Variants in FOCAD observed in about 807,000 individuals in gnomAD.
FOCAD encodes KIAA1797.
In FOCAD, 198 loss-of-function variants were observed where a neutral mutation model predicts 225.6. That is an observed-to-expected ratio of 0.88 (90% CI 0.78 to 0.99). The LOEUF (loss-of-function observed/expected upper bound fraction) is 0.99, where lower values mean the gene tolerates loss of function less well. Ranked by LOEUF, FOCAD falls within the 50% of genes least tolerant of loss-of-function variation. FOCAD has a pLI of 0.00. For synonymous variants in FOCAD, 897 were observed against 755.0 expected (o/e 1.19, Z -3.08); for missense variants, 2,713 against 2,123.6 (o/e 1.28, Z -5.46).
intron 11 of FOCAD, among the ~76,000 whole-genome samples, chr9:20,817,786 G>C (rs1823886474): frequency 6.6e-6 from 1 of 152,070 alleles, no homozygotes; most frequent in Non-Finnish European, 1.5e-5. Flanking sequence ...TTATTCATCA[G>C]TTGATGGACA....
At chr9:20,980,508 T>C (rs368123964) in intron 37 of FOCAD, among the ~76,000 whole-genome samples, 16 of 142,434 alleles carry the variant, frequency 1.1e-4, no homozygotes, top group African/African-American at 3.9e-4. Context: ...GTTAATAAAT[T>C]AAGTTTGTGA....
At chr9:20,819,650 G>A (rs962347689) in intron 11 of FOCAD, 146 bp from the exon 12 acceptor site, 3 of 427,756 alleles carry the variant, frequency 7.0e-6, no homozygotes, top group Admixed American at 4.3e-5. Context: ...ATTATCATTA[G>A]CAAGTAATAG....
intron 20 of FOCAD, among the ~76,000 whole-genome samples, chr9:20,884,201 T>A (rs1230654468): frequency 6.6e-6 from 1 of 152,010 alleles, no homozygotes; most frequent in African/African-American, 2.4e-5. Context: ...GTTCATTTAT[T>A]TATACTTATA....
intron 29 of FOCAD, 149 bp from the exon 30 acceptor site, chr9:20,946,552 G>A (rs1238737999): frequency 1.4e-6 from 1 of 714,840 alleles, no homozygotes; most frequent in Non-Finnish European, 2.2e-6. Flanking sequence ...ATATAAGTTA[G>A]GCAGAAAAAC....
intron 5 of FOCAD, among the ~76,000 whole-genome samples, chr9:20,743,154 G>A (rs1181027407): frequency 6.6e-6 from 1 of 152,208 alleles, no homozygotes; most frequent in African/African-American, 2.4e-5. Flanking sequence ...ATGTTGGTTA[G>A]CAATATCATC....
rs1397023342 is a variant in FOCAD at position 20,993,300 on chromosome 9, C to T, written c.5304C>T (p.Leu1768=). ...FSIMESPKEA[L]SAQSRDLLKA... The stretch of plus-strand genomic sequence containing the variant: ...TCATGGAAAGCCCTAAAGAAGCCCT[C>T]TCAGCACAGTCCAGGGATCTTTTGA... Residue 1768 remains leucine, a synonymous_variant, in exon 43 of 44, where the codon CTC becomes CTT. Transcript: ENST00000338382. 1 of 1,613,836 alleles carries T rather than the reference C, an allele frequency of 6.2e-7. No homozygotes were observed. The highest frequency in any genetic ancestry group is 1.3e-5 in the African/African-American group (1 of 74,906).
chr9:20,913,145 TACACACACAC>T (rs56856864), intron 23 of FOCAD, among the ~76,000 whole-genome samples, 191 bp downstream of exon 23: 92 of 137,330 alleles, frequency 6.7e-4, no homozygotes, highest in Admixed American at 2.5e-3. Flanking sequence ...AAATTATACA[TACACACACAC>T]ACACACACAC....
At chr9:20,967,381 T>A (rs1033309525) in intron 35 of FOCAD, among the ~76,000 whole-genome samples, 5 of 152,180 alleles carry the variant, frequency 3.3e-5, no homozygotes, top group Non-Finnish European at 7.4e-5. Flanking sequence ...CCTGCAACTT[T>A]ATTGAATTCC....
chr9:20,803,252 G>A (rs1315784933), intron 11 of FOCAD, among the ~76,000 whole-genome samples: 1 of 152,080 alleles, frequency 6.6e-6, no homozygotes, highest in Non-Finnish European at 1.5e-5. Context: ...AGGGTTATGA[G>A]TGCCACCAGT....
rs1389650077 is a variant in FOCAD, at chr9:20,926,367, G to A, written c.3028G>A (p.Val1010Met). ...GGTACTTGATACACTCTTGGTCATTGTGGATAGCCATTACCAACCCAGAGG... is the reference window on the plus strand; with the variant it reads ...GGTACTTGATACACTCTTGGTCATTATGGATAGCCATTACCAACCCAGAGG... The part of the protein sequence containing the change: ...SMVLDTLLVI[V>M]DSHYQPRGQL... Residue 1010 changes from valine to methionine, a missense_variant, in exon 26 of 44, where the codon GTG (valine) becomes ATG (methionine). Transcript: ENST00000338382. 1.9e-6 allele frequency: 3 copies of A among 1,613,592 alleles called. No homozygotes were observed. Among genetic ancestry groups the A allele is most frequent in the Non-Finnish European group, 2.5e-6 (3 of 1,179,726 alleles).
At chr9:20,939,780 T>G (rs1262366464) in intron 28 of FOCAD, among the ~76,000 whole-genome samples, 3 of 151,828 alleles carry the variant, frequency 2.0e-5, no homozygotes. Context: ...TACTTTAAGT[T>G]CTAGGGTACA....
chr9:20,755,310 A>T (rs908642571), intron 5 of FOCAD, among the ~76,000 whole-genome samples: 1 of 152,214 alleles, frequency 6.6e-6, no homozygotes, highest in Non-Finnish European at 1.5e-5. Context: ...TAGGTCTGAG[A>T]TACTAAATAA....
intron 37 of FOCAD, among the ~76,000 whole-genome samples, chr9:20,979,761 C>T (rs1840529366): frequency 1.3e-5 from 2 of 152,198 alleles, no homozygotes; most frequent in African/African-American, 4.8e-5. Flanking sequence ...CTCCAAGTGG[C>T]TCCCAGCTGC....
At chr9:20,860,374 C>A (rs547577769) in intron 15 of FOCAD, among the ~76,000 whole-genome samples, 4 of 152,314 alleles carry the variant, frequency 2.6e-5, no homozygotes, top group African/African-American at 9.6e-5. Context: ...ATTGGACTTA[C>A]AGTTCCATGT....
At chr9:20,727,055 T>C (rs1227539308) in intron 4 of FOCAD, among the ~76,000 whole-genome samples, 2 of 152,198 alleles carry the variant, frequency 1.3e-5, no homozygotes, top group African/African-American at 4.8e-5. Flanking sequence ...TATTATGGCT[T>C]ATTTAACTTT....
intron 10 of FOCAD, among the ~76,000 whole-genome samples, chr9:20,786,572 T>C (rs1819944181): frequency 6.6e-6 from 1 of 152,240 alleles, no homozygotes; most frequent in Non-Finnish European, 1.5e-5. Context: ...TTTGAGTTCC[T>C]ATATCCACTC....
chr9:20,826,546 C>T lies in FOCAD; in HGVS notation c.1920+3431C>T, dbSNP rs370195948. ...CATATGGCCTATTGTGGGGCTTCAC[C>T]TTGTGATCGTGTGAGTCAAGACTCG... On this transcript the variant is annotated intron_variant, in intron 15 of 43. Transcript: ENST00000338382. 5.3e-5 allele frequency among the ~76,000 whole-genome samples: 8 copies of T among 152,188 alleles called. 1 individual carries two copies. The highest frequency in any genetic ancestry group is 1.9e-4 in the African/African-American group (8 of 41,544).
intron 22 of FOCAD, among the ~76,000 whole-genome samples, chr9:20,912,238 A>G (rs1019080640): frequency 1.3e-5 from 2 of 152,138 alleles, no homozygotes; most frequent in African/African-American, 4.8e-5. Context: ...GCATCTGATT[A>G]AAATAATTCT....
chr9:20,922,855 G>T (rs906426464), intron 24 of FOCAD, among the ~76,000 whole-genome samples: 1 of 152,194 alleles, frequency 6.6e-6, no homozygotes, highest in African/African-American at 2.4e-5. Flanking sequence ...TCCCATAGGG[G>T]ACTTTATAGG....
Sources: gnomAD v4.1 joint callset for allele counts (sites outside exome capture counted in the v4.1 genomes callset) on GRCh38, gnomAD v4.1.1 for gene constraint, MANE v1.5 for transcripts, NCBI Gene and HGNC (gene_info 2026-07-23, HGNC 2026-07-21) for gene names.